Variants in DDX46 observed in about 807,000 individuals in gnomAD.
DDX46 encodes the protein DEAD-box helicase 46, also known as probable ATP-dependent RNA helicase DDX46.
DDX46 carries 30 observed loss-of-function variants against 134.9 expected under a neutral mutation model. That is an observed-to-expected ratio of 0.22 (90% CI 0.17 to 0.30). DDX46 has a LOEUF of 0.30. Ranked by LOEUF, DDX46 falls within the 10% of genes least tolerant of loss-of-function variation. The probability of loss-of-function intolerance (pLI) is 1.00; values close to 1 mark genes in which losing one functional copy is unlikely to be tolerated. For synonymous variants in DDX46, 415 were observed against 404.1 expected (o/e 1.03, Z -0.32); for missense variants, 622 against 1,248.7 (o/e 0.50, Z 7.56).
intron 18 of DDX46, among the ~76,000 whole-genome samples, chr5:134,812,370 T>C (rs536004182): frequency 6.6e-6 from 1 of 152,180 alleles, no homozygotes; most frequent in South Asian, 2.1e-4. Flanking sequence ...TGGCCATGGA[T>C]GTGAAAAGTC....
intron 21 of DDX46, among the ~76,000 whole-genome samples, chr5:134,821,538 T>G (rs938412841): frequency 2.0e-4 from 29 of 148,350 alleles, no homozygotes; most frequent in South Asian, 6.3e-4. Context: ...GGTTTTTTGT[T>G]TTTTTTTTTT....
chr5:134,759,496 AAGCAGGTAACTTT>A (rs1753310497), intron 1 of DDX46, among the ~76,000 whole-genome samples: 1 of 152,182 alleles, frequency 6.6e-6, no homozygotes, highest in African/African-American at 2.4e-5. Flanking sequence ...TTTCGTATTT[AAGCAGGTAACTTT>A]GTTACCTGCT....
At chr5:134,792,125 C>G (rs1055637227) in intron 13 of DDX46, among the ~76,000 whole-genome samples, 2 of 151,832 alleles carry the variant, frequency 1.3e-5, no homozygotes, top group Non-Finnish European at 2.9e-5. Flanking sequence ...TGTAGGGAGC[C>G]GAGATCGCAT....
At chr5:134,788,460 A>G in intron 11 of DDX46, 53 bp from the exon 12 acceptor site, 2 of 1,421,318 alleles carry the variant, frequency 1.4e-6, no homozygotes, top group East Asian at 2.3e-5. Context: ...AGTATTTTTT[A>G]GTGTTTAAGT....
intron 21 of DDX46, among the ~76,000 whole-genome samples, chr5:134,823,836 T>C (rs1755521287): frequency 6.6e-6 from 1 of 152,216 alleles, no homozygotes; most frequent in Admixed American, 6.5e-5. Context: ...AAGACAATGA[T>C]AGAGGAATGT....
In DDX46 at chr5:134,816,426, C is replaced by A; in HGVS notation, c.2437-4C>A. ...TACTAGTCCTTTTTTTCCTTTTGATCTAGATTGATGAGCAAATTGAAAGCA... is the reference window on the plus strand; with the variant it reads ...TACTAGTCCTTTTTTTCCTTTTGATATAGATTGATGAGCAAATTGAAAGCA... On this transcript the variant is annotated splice_region_variant and splice_polypyrimidine_tract_variant and intron_variant, in intron 18 of 22. Transcript: ENST00000452510. 6.4e-7 allele frequency: 1 copy of A among 1,572,494 alleles called. No homozygotes were observed. The highest frequency in any genetic ancestry group is 8.6e-7 in the Non-Finnish European group (1 of 1,159,798).
intron 22 of DDX46, 142 bp from the exon 23 acceptor site, chr5:134,828,517 C>A: frequency 2.1e-6 from 1 of 474,484 alleles, no homozygotes; most frequent in Non-Finnish European, 3.5e-6. Context: ...TTTTAAATAA[C>A]CAATAGTTTT....
chr5:134,762,598 T>C (rs1483459731), intron 1 of DDX46, among the ~76,000 whole-genome samples: 1 of 150,444 alleles, frequency 6.6e-6, no homozygotes, highest in Non-Finnish European at 1.5e-5. Context: ...CTGGGCGTGG[T>C]AGTATAGGCC....
At position 134,788,605 on chromosome 5, in the gene DDX46, A is replaced by AT; in HGVS notation, c.1543+21dup. The AT allele has an allele frequency of 6.2e-7, 1 of 1,609,186 alleles. No homozygotes were observed. The highest frequency in any genetic ancestry group is 8.5e-7 in the Non-Finnish European group (1 of 1,177,538). On this transcript the variant is annotated intron_variant, in intron 12 of 22. Coordinates refer to ENST00000452510, the MANE Select transcript of DDX46 (RefSeq NM_001300860.2). ...CCGCTAACAGTGGTAAGTCAGGGGTATTTTTTTGGTGTCTTTTATTTTTGA... is the reference window on the plus strand; with the variant it reads ...CCGCTAACAGTGGTAAGTCAGGGGTATTTTTTTTGGTGTCTTTTATTTTTGA...
At chr5:134,790,243 A>C (rs1196940123) in intron 12 of DDX46, 1 of 624,384 alleles carries the variant, frequency 1.6e-6, no homozygotes, top group African/African-American at 1.8e-5. Context: ...GACGAGTTTG[A>C]CAAAATAAAG....
chr5:134,815,110 C>T (rs938557219), intron 18 of DDX46, among the ~76,000 whole-genome samples: 2 of 152,100 alleles, frequency 1.3e-5, no homozygotes, highest in Admixed American at 6.6e-5. Context: ...ATTAGCTGGA[C>T]GTGCTAGTGC....
intron 6 of DDX46, among the ~76,000 whole-genome samples, chr5:134,780,143 T>C (rs1388884267): frequency 2.0e-5 from 3 of 151,358 alleles, no homozygotes; most frequent in Non-Finnish European, 2.9e-5. Context: ...TGTGTGTATA[T>C]GTATATATGT....
chr5:134,763,885 C>G lies in DDX46; in HGVS notation c.18-19C>G, dbSNP rs773121490. The G allele has an allele frequency of 8.1e-6, 13 of 1,598,878 alleles. No individual in the cohort carries two copies. The Middle Eastern group carries it at 5.0e-4, about 62-fold the overall frequency. ...GCTAATGGTGTTTGCTGAACTTAAT[C>G]TTTGACTTATTGTTCTAGCCACTAT... On this transcript the variant is annotated intron_variant, in intron 1 of 22. Coordinates refer to ENST00000452510, the MANE Select transcript of DDX46 (RefSeq NM_001300860.2).
intron 16 of DDX46, among the ~76,000 whole-genome samples, chr5:134,808,532 A>T (rs1364490227): frequency 6.6e-6 from 1 of 152,202 alleles, no homozygotes; most frequent in Non-Finnish European, 1.5e-5. Flanking sequence ...AAAATTATAA[A>T]TTGAATCATT....
chr5:134,821,403 C>T (rs939957460), intron 21 of DDX46, among the ~76,000 whole-genome samples: 2 of 151,922 alleles, frequency 1.3e-5, no homozygotes, highest in African/African-American at 4.8e-5. Context: ...TGTCAAACTC[C>T]TGACCTCAGG....
At chr5:134,811,100 A>G in intron 16 of DDX46, 121 bp from the exon 17 acceptor site, 1 of 823,588 alleles carries the variant, frequency 1.2e-6, no homozygotes, top group Non-Finnish European at 1.8e-6. Flanking sequence ...TGGCTTTTAA[A>G]ATTCTTTAGT....
At chr5:134,761,256 G>C (rs77441519) in intron 1 of DDX46, among the ~76,000 whole-genome samples, 6,996 of 152,256 alleles carry the variant, frequency 0.046, 301 homozygotes, top group African/African-American at 0.12. Context: ...AACTCCTGAG[G>C]TCAAGCTCTC....
intron 2 of DDX46, among the ~76,000 whole-genome samples, chr5:134,765,386 A>AT (rs1753536000): frequency 6.6e-6 from 1 of 150,888 alleles, no homozygotes; most frequent in South Asian, 2.1e-4. Flanking sequence ...TCTACTAAAA[A>AT]AAAAAAAAAA....
At chr5:134,817,773 A>C in intron 20 of DDX46, 59 bp downstream of exon 20, 1 of 1,426,140 alleles carries the variant, frequency 7.0e-7, no homozygotes, top group Middle Eastern at 2.1e-4. Context: ...TTTGGAGGAA[A>C]AATCTCATCT....
Sources: gnomAD v4.1 joint callset for allele counts (sites outside exome capture counted in the v4.1 genomes callset) on GRCh38, gnomAD v4.1.1 for gene constraint, MANE v1.5 for transcripts, NCBI Gene and HGNC (gene_info 2026-07-23, HGNC 2026-07-21) for gene names.